ADAMTSL3: variants seen among roughly 807,000 people sequenced by gnomAD.
ADAMTSL3 encodes ADAMTS like 3, also known as ADAMTS-like protein 3.
ADAMTSL3 carries 128 observed loss-of-function variants against 201.7 expected under a neutral mutation model. The observed-to-expected ratio is 0.63, with a 90% CI of 0.55 to 0.73. The LOEUF (loss-of-function observed/expected upper bound fraction) is 0.73. ADAMTSL3 is among the 30% of genes least tolerant of loss of function. The probability of loss-of-function intolerance (pLI) is 0.00; values close to 1 mark genes in which losing one functional copy is unlikely to be tolerated. For missense variants in ADAMTSL3, 1,990 were observed against 2,119.6 expected, an observed-to-expected ratio of 0.94 and a Z score of 1.20; for synonymous variants, 738 against 748.4, an observed-to-expected ratio of 0.99 and a Z score of 0.23.
chr15:84,019,095 A>ACACACG (rs2068145918), intron 25 of ADAMTSL3, among the ~76,000 whole-genome samples: 1 of 151,626 alleles, frequency 6.6e-6, no homozygotes, highest in Admixed American at 6.6e-5. Context: ...ACACACACAC[A>ACACACG]CACACACACA....
rs1459027628 is a variant in ADAMTSL3 at position 83,741,044 on chromosome 15, G to A, written c.190-32479G>A. ...GACATGTATTTCCTATGTAATATTAGCTTTTCTGGAATGTAGAAAGAGATA... is the reference window on the plus strand; with the variant it reads ...GACATGTATTTCCTATGTAATATTAACTTTTCTGGAATGTAGAAAGAGATA... On this transcript the variant is annotated intron_variant, in intron 3 of 29. Coordinates refer to ENST00000286744, the MANE Select transcript of ADAMTSL3 (RefSeq NM_207517.3). Among the ~76,000 whole-genome samples the A allele has an allele frequency of 5.3e-5, 8 of 151,940 alleles. 1 individual carries two copies. The highest frequency in any genetic ancestry group is 5.2e-4 in the Admixed American group (8 of 15,260).
intron 10 of ADAMTSL3, among the ~76,000 whole-genome samples, chr15:83,889,501 T>G (rs907436140): frequency 1.3e-5 from 2 of 152,238 alleles, no homozygotes; most frequent in Admixed American, 6.5e-5. Context: ...TATCATTTAT[T>G]AAGTTAAAAA....
intron 6 of ADAMTSL3, among the ~76,000 whole-genome samples, chr15:83,822,134 C>A (rs1487673912): frequency 1.3e-5 from 2 of 150,174 alleles, no homozygotes; most frequent in Non-Finnish European, 3.0e-5. Flanking sequence ...GGGCTGACCC[C>A]CCCACCTCCC....
At chr15:83,775,169 G>A (rs572211432) in intron 4 of ADAMTSL3, among the ~76,000 whole-genome samples, 19 of 152,216 alleles carry the variant, frequency 1.2e-4, no homozygotes, top group African/African-American at 4.6e-4. Flanking sequence ...TGTCAAGGGT[G>A]AGTTCTTTCC....
chr15:83,948,411 T>TACACACACACACACACACACACAC (rs72124987), intron 19 of ADAMTSL3, among the ~76,000 whole-genome samples: 1 of 145,628 alleles, frequency 6.9e-6, no homozygotes, highest in African/African-American at 2.5e-5. Context: ...AAAGCTTATT[T>TACACACACACACACACACACACAC]ACACACACAC....
intron 1 of ADAMTSL3, among the ~76,000 whole-genome samples, chr15:83,655,495 A>G (rs528348159): frequency 1.3e-5 from 2 of 152,312 alleles, no homozygotes; most frequent in Non-Finnish European, 2.9e-5. Flanking sequence ...AGCTGGAGGT[A>G]TGAGATGCCC....
intron 9 of ADAMTSL3, among the ~76,000 whole-genome samples, chr15:83,882,601 T>A (rs1041907049): frequency 2.0e-5 from 3 of 152,190 alleles, no homozygotes; most frequent in Non-Finnish European, 4.4e-5. Context: ...AATCTTTTTG[T>A]GTCGGAAAAT....
At chr15:83,729,419 C>T (rs2062230530) in intron 3 of ADAMTSL3, among the ~76,000 whole-genome samples, 1 of 151,418 alleles carries the variant, frequency 6.6e-6, no homozygotes, top group African/African-American at 2.4e-5. Context: ...ATTTTTTGAT[C>T]CCATAGGCAT....
intron 3 of ADAMTSL3, among the ~76,000 whole-genome samples, chr15:83,736,702 A>T (rs2062373961): frequency 6.6e-6 from 1 of 152,194 alleles, no homozygotes; most frequent in Admixed American, 6.5e-5. Flanking sequence ...ATTCTTTCCT[A>T]GGTAGGTAGC....
chr15:83,885,340 C>A, intron 10 of ADAMTSL3, 128 bp downstream of exon 10: 1 of 721,320 alleles, frequency 1.4e-6, no homozygotes, highest in Non-Finnish European at 2.4e-6. Flanking sequence ...GCACCTTACT[C>A]AGCAGCCTGA....
chr15:83,724,061 GT>G (rs199529882), intron 3 of ADAMTSL3, among the ~76,000 whole-genome samples: 1 of 148,184 alleles, frequency 6.7e-6, no homozygotes, highest in African/African-American at 2.5e-5. Context: ...TTCCCTTCTT[GT>G]TTTTTTTTAA....
At chr15:83,693,706 T>A (rs1264190208) in intron 2 of ADAMTSL3, among the ~76,000 whole-genome samples, 1 of 152,222 alleles carries the variant, frequency 6.6e-6, no homozygotes. Context: ...TGACATAGTA[T>A]ACAATTTACT....
At chr15:83,722,130 G>C (rs751279068) in intron 3 of ADAMTSL3, among the ~76,000 whole-genome samples, 4 of 152,166 alleles carry the variant, frequency 2.6e-5, no homozygotes, top group South Asian at 2.1e-4. Context: ...CAGATGAAAG[G>C]CATAGTTTCC....
At chr15:83,748,060 G>T in intron 3 of ADAMTSL3, among the ~76,000 whole-genome samples, 1 of 152,038 alleles carries the variant, frequency 6.6e-6, no homozygotes, top group Non-Finnish European at 1.5e-5. Flanking sequence ...TCTCCTTTCT[G>T]TCTTCACCTC....
intron 3 of ADAMTSL3, among the ~76,000 whole-genome samples, chr15:83,726,226 T>A (rs189192952): frequency 6.6e-6 from 1 of 152,322 alleles, no homozygotes; most frequent in Admixed American, 6.5e-5. Flanking sequence ...GAAATGCTAC[T>A]GATTTTTGTA....
intron 6 of ADAMTSL3, among the ~76,000 whole-genome samples, chr15:83,821,050 A>G (rs11259919): frequency 0.81 from 123,557 of 151,858 alleles, 51,270 homozygotes; most frequent in East Asian, 1. Context: ...CTCCAGTCTG[A>G]GTGACAGAGC....
intron 3 of ADAMTSL3, among the ~76,000 whole-genome samples, chr15:83,719,733 A>G (rs1463923822): frequency 6.6e-6 from 1 of 152,158 alleles, no homozygotes; most frequent in Non-Finnish European, 1.5e-5. Flanking sequence ...TTGCATAGTA[A>G]AAGGTAAAAG....
intron 7 of ADAMTSL3, among the ~76,000 whole-genome samples, chr15:83,855,802 C>T (rs1319127226): frequency 6.6e-6 from 1 of 152,078 alleles, no homozygotes; most frequent in African/African-American, 2.4e-5. Flanking sequence ...GAGGATTTTT[C>T]AGAAGTCTTT....
chr15:83,903,955 A>G (rs1367440979), intron 15 of ADAMTSL3, among the ~76,000 whole-genome samples: 1,294 of 81,336 alleles, frequency 0.016, 48 homozygotes, highest in Middle Eastern at 0.033. Context: ...GAAAAAAGAA[A>G]GAAAGAAAGA....
Sources: gnomAD v4.1 joint callset for allele counts (sites outside exome capture counted in the v4.1 genomes callset) on GRCh38, gnomAD v4.1.1 for gene constraint, MANE v1.5 for transcripts, NCBI Gene and HGNC (gene_info 2026-07-23, HGNC 2026-07-21) for gene names.